Variants in TIAM2 observed in about 807,000 individuals in gnomAD.
TIAM2 encodes the protein rho guanine nucleotide exchange factor TIAM2.
A neutral mutation model predicts 152.9 loss-of-function variants in TIAM2; 80 were observed. That is an observed-to-expected ratio of 0.52 (90% CI 0.44 to 0.63). TIAM2 has a LOEUF of 0.63. Ranked by LOEUF, TIAM2 falls within the 30% of genes least tolerant of loss-of-function variation. TIAM2 has a pLI of 0.00. For missense variants in TIAM2, 1,965 were observed against 2,120.1 expected (o/e 0.93, Z 1.44); for synonymous variants, 804 against 838.0 (o/e 0.96, Z 0.70).
In TIAM2 at chr6:155,249,142, T is replaced by A. The variant is rs537299587; in HGVS notation, c.3833-709T>A. ...AACTTCCCTCCAGTTAGAATTAAAA[T>A]GCTGAATTGGGAGAAAAAAAAGTAT... On this transcript the variant is annotated intron_variant, in intron 20 of 26. Coordinates refer to ENST00000682666, the MANE Select transcript of TIAM2 (RefSeq NM_012454.4). 2.0e-5 allele frequency among the ~76,000 whole-genome samples: 3 copies of A among 152,294 alleles called. No individual in the cohort carries two copies. In the South Asian group the frequency reaches 6.2e-4, roughly 32 times the overall value.
intron 2 of TIAM2, among the ~76,000 whole-genome samples, chr6:155,108,461 T>G (rs138559748): frequency 1.5e-3 from 236 of 152,344 alleles, no homozygotes; most frequent in African/African-American, 5.3e-3. Context: ...TCACCTACTT[T>G]GATTTTTGCC....
intron 15 of TIAM2, among the ~76,000 whole-genome samples, chr6:155,217,924 C>T (rs1781903975): frequency 6.6e-6 from 1 of 152,188 alleles, no homozygotes; most frequent in Admixed American, 6.5e-5. Flanking sequence ...TCTGCTCACC[C>T]ACTTGGCTTA....
At chr6:155,238,683 C>A (rs770961184) in intron 15 of TIAM2, among the ~76,000 whole-genome samples, 1 of 152,262 alleles carries the variant, frequency 6.6e-6, no homozygotes, top group African/African-American at 2.4e-5. Flanking sequence ...TCCTGGACAA[C>A]CGATTCTAAA....
Position 155,257,061 on chromosome 6 carries a change from T to C in TIAM2, c.5046T>C (p.Ser1682=). ...SVLEREFSVQ[S]LTSVVSEECF... Reference sequence around the variant, plus strand: ...TAGAGCGAGAATTCAGTGTCCAGAGTTTAACATCTGTTGTCAGTGAGGAGT... The same window carrying C: ...TAGAGCGAGAATTCAGTGTCCAGAGCTTAACATCTGTTGTCAGTGAGGAGT... The change falls in exon 27 of 27, where the codon AGT becomes AGC. Residue 1682 remains serine (S), a synonymous_variant. Transcript: ENST00000682666. 6.2e-7 allele frequency: 1 copy of C among 1,614,104 alleles called. No individual in the cohort carries two copies. Among genetic ancestry groups the C allele is most frequent in the African/African-American group, 1.3e-5 (1 of 75,006 alleles).
intron 5 of TIAM2, among the ~76,000 whole-genome samples, chr6:155,138,543 G>A (rs986476168): frequency 4.6e-5 from 7 of 151,846 alleles, no homozygotes; most frequent in Middle Eastern, 3.4e-3. Flanking sequence ...CCATCAACTC[G>A]TCATTTACAT....
chr6:155,240,192 A>T (rs914213798), intron 15 of TIAM2, among the ~76,000 whole-genome samples: 3 of 152,234 alleles, frequency 2.0e-5, no homozygotes, highest in Admixed American at 2.0e-4. Context: ...CTAGAAAGCC[A>T]TAACTTCTTG....
In TIAM2 at chr6:155,099,074, C is replaced by A. The variant is rs534890858; in HGVS notation, c.-118+8695C>A. Among the ~76,000 whole-genome samples the A allele has an allele frequency of 3.0e-4, 46 of 151,530 alleles. No individual in the cohort carries two copies. In the East Asian group the frequency reaches 8.5e-3, roughly 28 times the overall value. Reference sequence around the variant, plus strand: ...TGGTGGCACATGCCTGTAATCCTAGCTACTTGGGAGGCTGAGGCAGGAGGA... The same window carrying A: ...TGGTGGCACATGCCTGTAATCCTAGATACTTGGGAGGCTGAGGCAGGAGGA... On this transcript the variant is annotated intron_variant, in intron 2 of 26. Transcript: ENST00000682666.
intron 1 of TIAM2, among the ~76,000 whole-genome samples, chr6:155,089,857 C>T (rs533806599): frequency 2.4e-4 from 37 of 152,278 alleles, no homozygotes; most frequent in African/African-American, 6.0e-4. Context: ...TCTCATTCAC[C>T]GCTTTATTTC....
chr6:155,115,688 G>A (rs565196224), intron 2 of TIAM2, among the ~76,000 whole-genome samples: 34 of 152,136 alleles, frequency 2.2e-4, no homozygotes, highest in African/African-American at 7.2e-4. Context: ...AAAAATGATC[G>A]AAAATATCCA....
At chr6:155,166,743 C>T (rs1479951689) in intron 9 of TIAM2, among the ~76,000 whole-genome samples, 3 of 152,152 alleles carry the variant, frequency 2.0e-5, no homozygotes, top group Non-Finnish European at 4.4e-5. Flanking sequence ...ACCTGTATTT[C>T]ATGATGCAGG....
At chr6:155,182,704 CAGAG>C (rs1780937585) in intron 13 of TIAM2, among the ~76,000 whole-genome samples, 1 of 151,964 alleles carries the variant, frequency 6.6e-6, no homozygotes, top group Non-Finnish European at 1.5e-5. Flanking sequence ...TATATATAGA[CAGAG>C]GGAAGGAGGA....
At chr6:154,998,603 A>C (rs1778261557) in intron 1 of TIAM2, among the ~76,000 whole-genome samples, 1 of 152,230 alleles carries the variant, frequency 6.6e-6, no homozygotes, top group Non-Finnish European at 1.5e-5. Flanking sequence ...TCATGCAAGC[A>C]TTTATAAGAT....
chr6:155,068,757 T>G (rs1054069563), intron 1 of TIAM2, among the ~76,000 whole-genome samples: 8 of 152,170 alleles, frequency 5.3e-5, no homozygotes, highest in African/African-American at 1.9e-4. Context: ...ATTTTACTTT[T>G]CGTGCTGCGA....
At chr6:155,155,064 G>T (rs974389171) in intron 7 of TIAM2, among the ~76,000 whole-genome samples, 2 of 152,236 alleles carry the variant, frequency 1.3e-5, no homozygotes, top group Non-Finnish European at 2.9e-5. Context: ...AAGTCAGATT[G>T]TGGAGGTGGT....
At chr6:155,135,869 G>T (rs572731154) in intron 4 of TIAM2, among the ~76,000 whole-genome samples, 1 of 152,206 alleles carries the variant, frequency 6.6e-6, no homozygotes, top group African/African-American at 2.4e-5. Context: ...TTTTTTTCAT[G>T]AAAGTAATTC....
At position 155,250,450 on chromosome 6, in the gene TIAM2, A is replaced by G. The variant is rs1053953632; in HGVS notation, c.3952-463A>G. The G allele has an allele frequency of 2.8e-6, 3 of 1,067,256 alleles. No individual in the cohort carries two copies. The Admixed American group carries it at 7.7e-5, about 27-fold the overall frequency. The allele number at this position is 1,067,256 out of a possible 1,614,324, so 66.1% of individuals were successfully genotyped here. ...CAAGCCAGCATGCAGGAAGTAGCAT[A>G]GTTTAGGGAGAAAATGGCAGGAACA... On this transcript the variant is annotated intron_variant, in intron 21 of 26. Coordinates refer to ENST00000682666, the MANE Select transcript of TIAM2 (RefSeq NM_012454.4).
chr6:155,060,588 T>C (rs1777554978), intron 1 of TIAM2, among the ~76,000 whole-genome samples: 2 of 152,134 alleles, frequency 1.3e-5, no homozygotes. Context: ...TTACTCCAGC[T>C]TTGGTGATTG....
At chr6:155,082,928 C>A (rs1439777047) in intron 1 of TIAM2, among the ~76,000 whole-genome samples, 1 of 152,242 alleles carries the variant, frequency 6.6e-6, no homozygotes, top group African/African-American at 2.4e-5. Context: ...TTAACACTCC[C>A]TCCCCAAAAT....
chr6:155,039,186 C>T (rs983601272), intron 1 of TIAM2, among the ~76,000 whole-genome samples: 1 of 151,632 alleles, frequency 6.6e-6, no homozygotes, highest in African/African-American at 2.4e-5. Context: ...GTCTTGAACT[C>T]CTGGGTTCAA....
Sources: gnomAD v4.1 joint callset for allele counts (sites outside exome capture counted in the v4.1 genomes callset) on GRCh38, gnomAD v4.1.1 for gene constraint, MANE v1.5 for transcripts, NCBI Gene and HGNC (gene_info 2026-07-23, HGNC 2026-07-21) for gene names.